Variants in FXYD7 observed in about 807,000 individuals in gnomAD.
FXYD7 encodes the protein FXYD domain-containing ion transport regulator 7.
In FXYD7, 7 loss-of-function variants were observed where a neutral mutation model predicts 15.3. The ratio of observed to expected loss-of-function variants is 0.46; its 90% confidence interval spans 0.26 to 0.86. The LOEUF (loss-of-function observed/expected upper bound fraction) is 0.86. Ranked by LOEUF, FXYD7 falls within the 40% of genes least tolerant of loss-of-function variation. The pLI, the probability that FXYD7 is intolerant of heterozygous loss-of-function variation, is 0.16. For missense variants in FXYD7, 78 were observed against 100.6 expected, an observed-to-expected ratio of 0.78 and a Z score of 0.96; for synonymous variants, 39 against 39.3, an observed-to-expected ratio of 0.99 and a Z score of 0.03.
rs1555737607 is a variant in FXYD7 at position 35,153,033 on chromosome 19, C to CTTTGTTTTTTTTTTTTTTTTTTTTTT, written c.221-858_221-857insGTTTTTTTTTTTTTTTTTTTTTTTTT. 1.8e-3 allele frequency among the ~76,000 whole-genome samples: 79 copies of CTTTGTTTTTTTTTTTTTTTTTTTTTT among 44,136 alleles called. 18 individuals are homozygous for CTTTGTTTTTTTTTTTTTTTTTTTTTT. Among genetic ancestry groups the CTTTGTTTTTTTTTTTTTTTTTTTTTT allele is most frequent in the Non-Finnish European group, 2.1e-3 (53 of 25,802 alleles). 29.0% of individuals were successfully genotyped at this position (44,136 alleles called of 152,430 possible). A position where few individuals can be genotyped will look rare whatever the true frequency, so the allele number is the denominator to read the frequency against. On this transcript the variant is annotated intron_variant, in intron 5 of 5. Coordinates refer to ENST00000270310, the MANE Select transcript of FXYD7 (RefSeq NM_022006.2). ...TTGGTGTGGAATTTGTTTCACGTTC[C>CTTTGTTTTTTTTTTTTTTTTTTTTTT]TTTTTTTTTTTTTTTTTTTTTTTTT...
intron 2 of FXYD7, chr19:35,149,332 C>T: frequency 3.0e-6 from 1 of 330,018 alleles, no homozygotes; most frequent in South Asian, 2.5e-5. Flanking sequence ...ATCTCAGGAC[C>T]TTTGCGTGTG....
Position 35,153,928 on chromosome 19 carries a change from G to A in FXYD7, c.*12G>A. On this transcript the variant is annotated 3_prime_UTR_variant, in exon 6 of 6. Coordinates refer to ENST00000270310, the MANE Select transcript of FXYD7 (RefSeq NM_022006.2). ...GCGGCGGCGTGTAACACCTTCCCGA[G>A]GAAACTCCGCTGCCGACCCTGCCTG... The A allele has an allele frequency of 2.5e-6, 4 of 1,611,522 alleles. No homozygotes were observed. Among genetic ancestry groups the A allele is most frequent in the Non-Finnish European group, 1.7e-6 (2 of 1,178,598 alleles).
intron 2 of FXYD7, 60 bp downstream of exon 2, chr19:35,148,783 C>A (rs2065299309): frequency 2.8e-6 from 4 of 1,426,992 alleles, no homozygotes; most frequent in Admixed American, 1.7e-5. Context: ...GCTCACAGAT[C>A]ACTCCGGACA....
At position 35,153,876 on chromosome 19, in the gene FXYD7, C is replaced by T. The variant is rs1568408301; in HGVS notation, c.221-18C>T. The stretch of plus-strand genomic sequence containing the variant: ...GTTTCCACCTTTCTAGTGGCTCACG[C>T]ACCCCCTCTCTCCCCAGCCCCTGGT... On this transcript the variant is annotated intron_variant, in intron 5 of 5. Coordinates refer to ENST00000270310, the MANE Select transcript of FXYD7 (RefSeq NM_022006.2). The T allele has an allele frequency of 6.2e-7, 1 of 1,612,426 alleles. No individual in the cohort carries two copies. Among genetic ancestry groups the T allele is most frequent in the Non-Finnish European group, 8.5e-7 (1 of 1,178,768 alleles).
chr19:35,147,578 C>T (rs1453337935), intron 1 of FXYD7, among the ~76,000 whole-genome samples: 1 of 152,164 alleles, frequency 6.6e-6, no homozygotes, highest in African/African-American at 2.4e-5. Flanking sequence ...CATTATGTGT[C>T]TTCTAATGGA....
At chr19:35,153,144 C>T (rs575540253) in intron 5 of FXYD7, among the ~76,000 whole-genome samples, 7 of 144,790 alleles carry the variant, frequency 4.8e-5, no homozygotes, top group Non-Finnish European at 1.0e-4. Context: ...ACTGCAACCT[C>T]TGCGTCCTGG....
In FXYD7 at chr19:35,143,551, C is replaced by T. The variant is rs1389603611; in HGVS notation, c.31+187C>T. 6.6e-6 allele frequency among the ~76,000 whole-genome samples: 1 copy of T among 152,252 alleles called. No individual in the cohort carries two copies. The highest frequency in any genetic ancestry group is 1.5e-5 in the Non-Finnish European group (1 of 68,044). On this transcript the variant is annotated intron_variant, in intron 1 of 5. Coordinates refer to ENST00000270310, the MANE Select transcript of FXYD7 (RefSeq NM_022006.2). The surrounding 1 kb of genome is among the most constrained non-coding windows in gnomAD (Gnocchi z 4.3). Reference sequence around the variant, plus strand: ...CCCCTCCGGGTCTCTGGGACACCCCCTCCCCGGCAGGCGTCCTGTGCCAGA... The same window carrying T: ...CCCCTCCGGGTCTCTGGGACACCCCTTCCCCGGCAGGCGTCCTGTGCCAGA...
intron 2 of FXYD7, 25 bp from the exon 3 acceptor site, chr19:35,151,229 C>A: frequency 6.7e-7 from 1 of 1,493,928 alleles, no homozygotes; most frequent in Non-Finnish European, 9.3e-7. Flanking sequence ...GTCCCTGCCT[C>A]GATGTCCCCC....
chr19:35,153,400 G>T (rs762198176), intron 5 of FXYD7, among the ~76,000 whole-genome samples: 3 of 152,180 alleles, frequency 2.0e-5, no homozygotes, highest in Non-Finnish European at 2.9e-5. Context: ...CATGAACAAG[G>T]CACTTATGGA....
rs547766600 is a variant in FXYD7 at position 35,150,024 on chromosome 19, C to T, written c.62-1230C>T. ...TCCCGCCTCCCAGGTTCAAGTGCTT[C>T]TCCTGCCTCAGCCTCCCGAGTAGCT... On this transcript the variant is annotated intron_variant, in intron 2 of 5. Transcript: ENST00000270310. Among the ~76,000 whole-genome samples the T allele has an allele frequency of 1.2e-3, 184 of 152,232 alleles. 1 individual carries two copies. The highest frequency in any genetic ancestry group is 6.8e-3 in the Middle Eastern group (2 of 294).
At chr19:35,150,987 G>A (rs2065307507) in intron 2 of FXYD7, among the ~76,000 whole-genome samples, 2 of 152,052 alleles carry the variant, frequency 1.3e-5, no homozygotes, top group Non-Finnish European at 2.9e-5. Flanking sequence ...GTGGTAGAGG[G>A]AGAGTATTAT....
Position 35,151,498 on chromosome 19 carries a change from G to A in FXYD7, c.179+16G>A. The A allele has an allele frequency of 3.7e-6, 6 of 1,613,730 alleles. No individual in the cohort carries two copies. The highest frequency in any genetic ancestry group is 3.3e-5 in the Admixed American group (2 of 60,020). On this transcript the variant is annotated intron_variant, in intron 4 of 5. Transcript: ENST00000270310. ...GGTCTGAGAGGTCTGGCAGCAGTGG[G>A]CAAAGAGCGGGAGGGGGCCTCGGGG...
intron 5 of FXYD7, among the ~76,000 whole-genome samples, chr19:35,152,935 ATAAC>A (rs1157465908): frequency 5.1e-5 from 4 of 78,108 alleles, no homozygotes; most frequent in African/African-American, 2.1e-4. Context: ...TAAAGTTCTT[ATAAC>A]TAAAAAAAAA....
intron 1 of FXYD7, among the ~76,000 whole-genome samples, chr19:35,147,414 A>G (rs756226187): frequency 1.3e-5 from 2 of 152,206 alleles, no homozygotes; most frequent in Non-Finnish European, 2.9e-5. Context: ...TGTCAGAGGC[A>G]TTCGAGAACC....
intron 5 of FXYD7, 126 bp downstream of exon 5, chr19:35,151,799 T>G (rs2065311568): frequency 1.3e-6 from 1 of 756,956 alleles, no homozygotes; most frequent in Non-Finnish European, 2.4e-6. Flanking sequence ...CCTGCAGATA[T>G]CACAGGACAA....
rs954084904 is a variant in FXYD7 at position 35,153,033 on chromosome 19, C to CTTTTT, written c.221-836_221-832dup. Among the ~76,000 whole-genome samples, 78 of 44,136 alleles carry CTTTTT rather than the reference C, an allele frequency of 1.8e-3. 10 individuals carry two copies. Among genetic ancestry groups the CTTTTT allele is most frequent in the African/African-American group, 3.4e-3 (33 of 9,628 alleles). 29.0% of individuals were successfully genotyped at this position (44,136 alleles called of 152,430 possible). A position where few individuals can be genotyped will look rare whatever the true frequency, so the allele number is the denominator to read the frequency against. ...TTGGTGTGGAATTTGTTTCACGTTCCTTTTTTTTTTTTTTTTTTTTTTTTT... is the reference window on the plus strand; with the variant it reads ...TTGGTGTGGAATTTGTTTCACGTTCCTTTTTTTTTTTTTTTTTTTTTTTTTTTTTT... On this transcript the variant is annotated intron_variant, in intron 5 of 5. Coordinates refer to ENST00000270310, the MANE Select transcript of FXYD7 (RefSeq NM_022006.2).
intron 2 of FXYD7, chr19:35,148,965 C>G: frequency 1.5e-6 from 1 of 656,584 alleles, no homozygotes; most frequent in Non-Finnish European, 2.8e-6. Context: ...TGGGCTGGTG[C>G]CTTGGTGTCG....
intron 1 of FXYD7, among the ~76,000 whole-genome samples, chr19:35,145,840 C>T (rs1257719276): frequency 2.0e-5 from 3 of 152,158 alleles, no homozygotes; most frequent in Non-Finnish European, 4.4e-5. Flanking sequence ...TGCAATGGCA[C>T]GATCACAGCT....
At position 35,153,921 on chromosome 19, in the gene FXYD7, T is replaced by C. The variant is rs1263726461; in HGVS notation, c.*5T>C. On this transcript the variant is annotated 3_prime_UTR_variant, in exon 6 of 6. Coordinates refer to ENST00000270310, the MANE Select transcript of FXYD7 (RefSeq NM_022006.2). Reference sequence around the variant, plus strand: ...CCTGGTGGCGGCGGCGTGTAACACCTTCCCGAGGAAACTCCGCTGCCGACC... The same window carrying C: ...CCTGGTGGCGGCGGCGTGTAACACCCTCCCGAGGAAACTCCGCTGCCGACC... The C allele has an allele frequency of 1.2e-6, 2 of 1,611,678 alleles. No homozygotes were observed. Among genetic ancestry groups the C allele is most frequent in the Non-Finnish European group, 1.7e-6 (2 of 1,178,692 alleles).
Sources: allele counts gnomAD v4.1 joint callset (sites outside exome capture counted in the v4.1 genomes callset), GRCh38; gene constraint gnomAD v4.1.1; non-coding constraint Gnocchi (gnomAD v3.1); transcripts MANE v1.5; gene names NCBI Gene and HGNC (gene_info 2026-07-23, HGNC 2026-07-21).